The following ZBTB20 variants were observed in gnomAD, a reference collection of about 807,000 sequenced individuals.
The protein encoded by ZBTB20 is zinc finger and BTB domain-containing protein 20.
Under a neutral mutation model 56.9 loss-of-function variants are expected in ZBTB20, and 9 were observed. The ratio of observed to expected loss-of-function variants is 0.16; its 90% CI spans 0.10 to 0.28. The LOEUF is 0.28. ZBTB20 is among the 10% of genes least tolerant of loss of function. The probability of loss-of-function intolerance (pLI) is 1.00; values close to 1 mark genes in which losing one functional copy is unlikely to be tolerated. For missense variants in ZBTB20, 655 were observed against 1,003.0 expected (o/e 0.65, Z 4.69); for synonymous variants, 417 against 420.7 (o/e 0.99, Z 0.11).
At chr3:114,714,602 A>C (rs1217784823) in intron 5 of ZBTB20, among the ~76,000 whole-genome samples, 1 of 151,906 alleles carries the variant, frequency 6.6e-6, no homozygotes, top group Non-Finnish European at 1.5e-5. Flanking sequence ...CTTCTTCTTC[A>C]TCATCTTCTT....
intron 7 of ZBTB20, among the ~76,000 whole-genome samples, chr3:114,470,296 G>C (rs1412915773): frequency 6.6e-6 from 1 of 152,014 alleles, no homozygotes; most frequent in Non-Finnish European, 1.5e-5. Context: ...AACTGATGTT[G>C]AAAAAGTACT....
intron 6 of ZBTB20, among the ~76,000 whole-genome samples, chr3:114,604,144 C>A (rs999679629): frequency 6.6e-6 from 1 of 151,836 alleles, no homozygotes; most frequent in Admixed American, 6.6e-5. Context: ...GTTTATCAAT[C>A]GGGACTGAAT....
At chr3:114,889,949 G>A (rs935801792) in intron 4 of ZBTB20, among the ~76,000 whole-genome samples, 4 of 152,152 alleles carry the variant, frequency 2.6e-5, no homozygotes, top group Non-Finnish European at 1.5e-5. Context: ...AAGAAGAGAT[G>A]TTTTTAATTT....
intron 1 of ZBTB20, among the ~76,000 whole-genome samples, chr3:115,090,246 T>C (rs1033500412): frequency 6.6e-6 from 1 of 151,694 alleles, no homozygotes; most frequent in Non-Finnish European, 1.5e-5. Context: ...CCATACCCAT[T>C]AATAATGGAG....
At chr3:114,607,815 A>G (rs2057283538) in intron 6 of ZBTB20, among the ~76,000 whole-genome samples, 1 of 152,246 alleles carries the variant, frequency 6.6e-6, no homozygotes, top group African/African-American at 2.4e-5. Context: ...ACTCATGGAC[A>G]TATCTAAACC....
chr3:114,741,140 AAC>A (rs1160781364), intron 5 of ZBTB20, among the ~76,000 whole-genome samples: 1 of 152,176 alleles, frequency 6.6e-6, no homozygotes, highest in Non-Finnish European at 1.5e-5. Context: ...TTCCTGTCAA[AAC>A]ACAGTGAAAA....
At position 114,504,571 on chromosome 3, in the gene ZBTB20, A is replaced by C. The variant is rs1027053097; in HGVS notation, c.-294-4180T>G. Among the ~76,000 whole-genome samples, 4 of 152,226 alleles carry C rather than the reference A, an allele frequency of 2.6e-5. No individual in the cohort carries two copies. In the South Asian group the frequency reaches 8.3e-4, roughly 32 times the overall value. The stretch of plus-strand genomic sequence containing the variant: ...CAGATACTGTTCTTGTCCTCATGGA[A>C]CTTCCGGTTGAGTGAAACAAACAAG... On this transcript the variant is annotated intron_variant, in intron 6 of 11. Transcript: ENST00000675478.
Position 114,325,700 on chromosome 3 carries a change from C to T in ZBTB20, c.*13305G>A, listed in dbSNP as rs1293535477. The stretch of plus-strand genomic sequence containing the variant: ...TTGGTCCCATCACATTGTCCTGTTC[C>T]CTCTCTTTGTTTTTCTCTGTTCACT... On this transcript the variant is annotated 3_prime_UTR_variant, in exon 12 of 12. Transcript: ENST00000675478. The T allele has an allele frequency of 6.6e-6, 1 of 152,004 alleles. No individual in the cohort carries two copies. The highest frequency in any genetic ancestry group is 2.4e-5 in the African/African-American group (1 of 41,366). The allele number at this position is 152,004 out of a possible 1,614,324, so 9.4% of individuals were successfully genotyped here. A position where few individuals can be genotyped will look rare whatever the true frequency, so the allele number is the denominator to read the frequency against.
intron 5 of ZBTB20, among the ~76,000 whole-genome samples, chr3:114,714,282 G>A (rs1379714518): frequency 6.6e-6 from 1 of 152,192 alleles, no homozygotes; most frequent in Non-Finnish European, 1.5e-5. Flanking sequence ...TCCATGAGAT[G>A]AACATGCTTC....
intron 2 of ZBTB20, among the ~76,000 whole-genome samples, chr3:115,059,270 C>A (rs965611516): frequency 6.6e-5 from 10 of 152,114 alleles, no homozygotes; most frequent in African/African-American, 2.4e-4. Flanking sequence ...TTGTTGACTG[C>A]TGAATTTTGT....
At chr3:114,415,242 G>C (rs922221023) in intron 7 of ZBTB20, among the ~76,000 whole-genome samples, 2 of 152,084 alleles carry the variant, frequency 1.3e-5, no homozygotes, top group Admixed American at 1.3e-4. Flanking sequence ...ATTGTTAACT[G>C]AACTAAAGGA....
At chr3:115,130,760 CTTT>C (rs1184617105) in intron 1 of ZBTB20, among the ~76,000 whole-genome samples, 2 of 152,030 alleles carry the variant, frequency 1.3e-5, no homozygotes, top group African/African-American at 4.8e-5. Flanking sequence ...ATTTTAATTT[CTTT>C]TTTTGTTTGT....
Position 114,486,470 on chromosome 3 carries a change from T to C in ZBTB20, c.-255+13882A>G, listed in dbSNP as rs150578024. On this transcript the variant is annotated intron_variant, in intron 7 of 11. Transcript: ENST00000675478. ...CCTAACCTTTACTGAAAGGTACTGT[T>C]ATAAAACTGGTAGAGGAGTATGTGA... Among the ~76,000 whole-genome samples the C allele has an allele frequency of 6.3e-3, 962 of 152,280 alleles. 6 individuals are homozygous for C. The highest frequency in any genetic ancestry group is 0.02 in the Middle Eastern group (6 of 294).
In ZBTB20 at chr3:114,755,650, G is replaced by A. The variant is rs115915138; in HGVS notation, c.-343+45451C>T. The stretch of plus-strand genomic sequence containing the variant: ...ATTTTTAGCTTGCCAACATTACTGC[G>A]TTAATGGTGTCCTTTTTTTCTCTCT... On this transcript the variant is annotated intron_variant, in intron 5 of 11. Coordinates refer to ENST00000675478, the MANE Select transcript of ZBTB20 (RefSeq NM_001348800.3). 2.1e-3 allele frequency among the ~76,000 whole-genome samples: 318 copies of A among 151,764 alleles called. 1 individual carries two copies. The highest frequency in any genetic ancestry group is 7.3e-3 in the African/African-American group (302 of 41,362).
intron 1 of ZBTB20, among the ~76,000 whole-genome samples, chr3:115,082,371 T>G (rs1471494344): frequency 1.3e-5 from 2 of 152,182 alleles, no homozygotes. Flanking sequence ...CGCCTATGCA[T>G]GAGCAGTGAC....
chr3:114,420,380 G>T (rs2089031456), intron 7 of ZBTB20, among the ~76,000 whole-genome samples: 1 of 152,124 alleles, frequency 6.6e-6, no homozygotes, highest in Non-Finnish European at 1.5e-5. Flanking sequence ...GCATTTTAAA[G>T]ATGCTTCTTA....
In ZBTB20 at chr3:114,315,859, GACA is replaced by G. The variant is rs1044624651; in HGVS notation, c.*23143_*23145del. 1.3e-5 allele frequency: 2 copies of G among 153,668 alleles called. No individual in the cohort carries two copies. The highest frequency in any genetic ancestry group is 4.8e-5 in the African/African-American group (2 of 41,404). 9.5% of individuals were successfully genotyped at this position (153,668 alleles called of 1,614,324 possible). A position where few individuals can be genotyped will look rare whatever the true frequency, so the allele number is the denominator to read the frequency against. The stretch of plus-strand genomic sequence containing the variant: ...CCATTCAGCCAACAGGTAACAGAAA[GACA>G]GCAGATAGCAAACACATCAATAAGG... On this transcript the variant is annotated 3_prime_UTR_variant, in exon 12 of 12. Coordinates refer to ENST00000675478, the MANE Select transcript of ZBTB20 (RefSeq NM_001348800.3).
chr3:115,052,872 T>C (rs752419103), intron 2 of ZBTB20, among the ~76,000 whole-genome samples: 5 of 152,238 alleles, frequency 3.3e-5, no homozygotes, highest in African/African-American at 7.2e-5. Context: ...AAAATTTTCA[T>C]GTTTGAATTG....
At chr3:114,726,272 G>A (rs958233507) in intron 5 of ZBTB20, among the ~76,000 whole-genome samples, 3 of 152,044 alleles carry the variant, frequency 2.0e-5, no homozygotes, top group African/African-American at 7.2e-5. Context: ...AAGTTAAAAA[G>A]TGTTTAACGA....
Sources: gnomAD v4.1 joint callset for allele counts (sites outside exome capture counted in the v4.1 genomes callset) on GRCh38, gnomAD v4.1.1 for gene constraint, MANE v1.5 for transcripts, NCBI Gene and HGNC (gene_info 2026-07-23, HGNC 2026-07-21) for gene names.